Variants in IPO5 observed in about 807,000 individuals in gnomAD.
IPO5 encodes the protein importin 5.
A neutral mutation model predicts 143.3 loss-of-function variants in IPO5; 18 were observed. The ratio of observed to expected loss-of-function variants is 0.13; its 90% CI spans 0.09 to 0.19. IPO5 has a LOEUF of 0.19. IPO5 is among the 10% of genes least tolerant of loss of function. The pLI, the probability that IPO5 is intolerant of heterozygous loss-of-function variation, is 1.00. For synonymous variants in IPO5, 477 were observed against 465.7 expected, an observed-to-expected ratio of 1.02 and a Z score of -0.31; for missense variants, 1,013 against 1,336.9, an observed-to-expected ratio of 0.76 and a Z score of 3.78.
intron 16 of IPO5, among the ~76,000 whole-genome samples, chr13:98,004,146 A>T (rs931437291): frequency 6.6e-6 from 1 of 152,256 alleles, no homozygotes; most frequent in Non-Finnish European, 1.5e-5. Flanking sequence ...TAGAAGGCAT[A>T]GAAAATAAAA....
At chr13:97,992,837 A>G in intron 9 of IPO5, 55 bp from the exon 10 acceptor site, 1 of 1,541,840 alleles carries the variant, frequency 6.5e-7, no homozygotes, top group South Asian at 1.2e-5. Context: ...CTTTTGGCTA[A>G]TGAGGCATTA....
At chr13:97,991,408 A>G (rs1056879442) in intron 9 of IPO5, among the ~76,000 whole-genome samples, 3 of 152,230 alleles carry the variant, frequency 2.0e-5, no homozygotes, top group Non-Finnish European at 2.9e-5. Flanking sequence ...TGGCAAGTCA[A>G]ACACCACAGT....
chr13:98,022,838 T>C lies in IPO5; in HGVS notation c.*1016T>C, dbSNP rs574774882. The C allele has an allele frequency of 7.9e-5, 12 of 152,778 alleles. No homozygotes were observed. Among genetic ancestry groups the C allele is most frequent in the African/African-American group, 2.4e-4 (10 of 41,586 alleles). 9.5% of individuals were successfully genotyped at this position (152,778 alleles called of 1,614,324 possible). On this transcript the variant is annotated 3_prime_UTR_variant, in exon 29 of 29. Transcript: ENST00000651721. ...CACACAACTTTTGAACTTTTAATTATAAGTGTTATGGCTAAAGTTATTTAC... is the reference window on the plus strand; with the variant it reads ...CACACAACTTTTGAACTTTTAATTACAAGTGTTATGGCTAAAGTTATTTAC...
intron 20 of IPO5, 111 bp downstream of exon 20, chr13:98,010,335 C>T: frequency 1.1e-6 from 1 of 935,662 alleles, no homozygotes; most frequent in Non-Finnish European, 1.6e-6. Flanking sequence ...GTAATATGTT[C>T]CTTAAAAAGT....
At chr13:98,000,014 G>A (rs1300308951) in intron 12 of IPO5, among the ~76,000 whole-genome samples, 2 of 152,226 alleles carry the variant, frequency 1.3e-5, no homozygotes, top group African/African-American at 2.4e-5. Context: ...GCTGGGCACA[G>A]TGGCTCACGC....
At chr13:97,997,811 AT>A (rs1443807269) in intron 12 of IPO5, among the ~76,000 whole-genome samples, 193 bp downstream of exon 12, 1 of 152,224 alleles carries the variant, frequency 6.6e-6, no homozygotes, top group East Asian at 1.9e-4. Flanking sequence ...TATAATTTAT[AT>A]TAATAAAATT....
chr13:97,976,978 TGCC>T, intron 4 of IPO5, 192 bp downstream of exon 4: 1 of 185,144 alleles, frequency 5.4e-6, no homozygotes, highest in Non-Finnish European at 1.1e-5. Flanking sequence ...CGGCCATTGC[TGCC>T]GCGGCGCCTG....
intron 28 of IPO5, 130 bp from the exon 29 acceptor site, chr13:98,021,606 T>TG: frequency 2.2e-6 from 1 of 461,032 alleles, no homozygotes; most frequent in Non-Finnish European, 3.8e-6. Context: ...GCTTTTACAA[T>TG]GATACTCATC....
intron 6 of IPO5, 69 bp downstream of exon 6, chr13:97,985,682 GA>G: frequency 1.1e-6 from 1 of 938,534 alleles, no homozygotes. Context: ...TTTTTTAATG[GA>G]ATCTTTTAGA....
chr13:97,954,503 G>A (rs1452438578), intron 2 of IPO5, among the ~76,000 whole-genome samples: 1 of 152,082 alleles, frequency 6.6e-6, no homozygotes, highest in East Asian at 1.9e-4. Flanking sequence ...TGTACATTAT[G>A]GTTGTATTCC....
At chr13:97,974,472 G>C (rs1384306301) in intron 3 of IPO5, among the ~76,000 whole-genome samples, 3 of 151,782 alleles carry the variant, frequency 2.0e-5, no homozygotes, top group Admixed American at 2.0e-4. Context: ...ACCACACCTG[G>C]CTAATTTTTG....
intron 20 of IPO5, among the ~76,000 whole-genome samples, chr13:98,011,107 T>C (rs1889674790): frequency 1.3e-5 from 2 of 152,128 alleles, no homozygotes; most frequent in African/African-American, 4.8e-5. Flanking sequence ...GAAATTAATG[T>C]ATTTCTTATT....
At chr13:97,966,133 C>CAA (rs34256210) in intron 2 of IPO5, among the ~76,000 whole-genome samples, 2,150 of 88,770 alleles carry the variant, frequency 0.024, 24 homozygotes, top group Admixed American at 0.03. Context: ...GGCCCCCTCT[C>CAA]AAAAAAAAAA....
chr13:98,016,907 A>G, intron 25 of IPO5, 56 bp downstream of exon 25: 1 of 1,301,230 alleles, frequency 7.7e-7, no homozygotes, highest in Non-Finnish European at 1.0e-6. Flanking sequence ...AATTCTTTTC[A>G]CTGCAACGTA....
At chr13:97,968,957 G>T (rs1298469583) in intron 2 of IPO5, among the ~76,000 whole-genome samples, 1 of 151,590 alleles carries the variant, frequency 6.6e-6, no homozygotes, top group Non-Finnish European at 1.5e-5. Flanking sequence ...CCAAAGTGCT[G>T]GGATTACAGG....
At chr13:97,978,292 T>G (rs1223837743) in intron 4 of IPO5, among the ~76,000 whole-genome samples, 1 of 152,226 alleles carries the variant, frequency 6.6e-6, no homozygotes, top group African/African-American at 2.4e-5. Flanking sequence ...AACTTGAATT[T>G]TTCACTCTAT....
chr13:98,011,036 C>T (rs1889670367), intron 20 of IPO5, among the ~76,000 whole-genome samples: 1 of 151,872 alleles, frequency 6.6e-6, no homozygotes, highest in South Asian at 2.1e-4. Context: ...CTGCCATGAC[C>T]TGGGATTACA....
At chr13:97,976,284 C>T (rs2139595754) in intron 3 of IPO5, among the ~76,000 whole-genome samples, 1 of 151,718 alleles carries the variant, frequency 6.6e-6, no homozygotes, top group East Asian at 2.0e-4. Context: ...AGGCCTCGAC[C>T]TCGACCTCAA....
chr13:97,997,603 A>G lies in IPO5; in HGVS notation c.986A>G (p.Asp329Gly). ...EDWANADELE[D>G]DDFDSNAVAG... ...TGGGCAAATGCAGATGAACTAGAAG[A>G]TGATGATTTTGACAGGTAATCAAAC... Residue 329 changes from aspartate to glycine, a missense_variant, in exon 12 of 29, where the codon GAT becomes GGT. Coordinates refer to ENST00000651721, the MANE Select transcript of IPO5 (RefSeq NM_002271.6). 1 of 1,607,726 alleles carries G rather than the reference A, an allele frequency of 6.2e-7. No individual in the cohort carries two copies. The highest frequency in any genetic ancestry group is 8.5e-7 in the Non-Finnish European group (1 of 1,174,734).
Sources: allele counts gnomAD v4.1 joint callset (sites outside exome capture counted in the v4.1 genomes callset), GRCh38; gene constraint gnomAD v4.1.1; transcripts MANE v1.5; gene names NCBI Gene and HGNC (gene_info 2026-07-23, HGNC 2026-07-21).